Variants in CSMD1 observed in about 807,000 individuals in gnomAD.
CSMD1 encodes the protein CUB and sushi domain-containing protein 1.
CSMD1 carries 213 observed loss-of-function variants against 417.5 expected under a neutral mutation model. That is an observed-to-expected ratio of 0.51 (90% confidence interval 0.46 to 0.57). CSMD1 has a LOEUF of 0.57. Ranked by LOEUF, CSMD1 falls within the 20% of genes least tolerant of loss-of-function variation. The pLI is 0.00. For synonymous variants in CSMD1, 2,862 were observed against 1,736.8 expected, an observed-to-expected ratio of 1.65 and a Z score of -16.11; for missense variants, 6,923 against 4,529.7, an observed-to-expected ratio of 1.53 and a Z score of -15.17.
chr8:3,315,863 C>T (rs745376757), intron 23 of CSMD1, among the ~76,000 whole-genome samples: 1 of 152,144 alleles, frequency 6.6e-6, no homozygotes, highest in African/African-American at 2.4e-5. Flanking sequence ...ATGAGTCAAT[C>T]TTGAAACATT....
intron 1 of CSMD1, among the ~76,000 whole-genome samples, chr8:4,890,904 G>A (rs1436860157): frequency 6.6e-6 from 1 of 152,102 alleles, no homozygotes; most frequent in Non-Finnish European, 1.5e-5. Flanking sequence ...AGCTCACAAG[G>A]AGGGAGTGGT....
Position 2,942,548 on chromosome 8 carries a change from A to G in CSMD1, c.10459T>C (p.Ser3487Pro). The change falls in exon 69 of 70, where the codon TCT becomes CCT. Residue 3487 changes from serine (S) to proline (P), a missense_variant. By Grantham distance (74) the Ser-to-Pro change is moderately conservative. Transcript: ENST00000635120. ...GGAACCAGAATGGCAGCCGCCACAG[A>G]GCCACTGCTGGTGCCGTGGTAATGA... ...SSHYHGTSSGSVAAAILVPFF... is the reference protein window; with the variant it reads ...SSHYHGTSSGPVAAAILVPFF... 1 of 1,609,308 alleles carries G rather than the reference A, an allele frequency of 6.2e-7. No individual in the cohort carries two copies. Among genetic ancestry groups the G allele is most frequent in the South Asian group, 1.1e-5 (1 of 90,192 alleles).
rs1585029308 is a variant in CSMD1 at position 3,955,735 on chromosome 8, TAAG to T, written c.818+42165_818+42167del. ...AAGATTCTTCGAGAACTGCCTCAAG[TAAG>T]AAAAAAACAGGGTCAAATACATAGA... On this transcript the variant is annotated intron_variant, in intron 5 of 69. Transcript: ENST00000635120. Among the ~76,000 whole-genome samples the T allele has an allele frequency of 5.9e-5, 6 of 102,454 alleles. No homozygotes were observed. The East Asian group carries it at 2.2e-3, about 37-fold the overall frequency. The allele number at this position is 102,454 out of a possible 152,430, so 67.2% of individuals were successfully genotyped here.
chr8:3,460,494 A>C (rs1816428588), intron 12 of CSMD1, among the ~76,000 whole-genome samples: 1 of 152,004 alleles, frequency 6.6e-6, no homozygotes, highest in African/African-American at 2.4e-5. Flanking sequence ...TTCTGACTGG[A>C]CCCCTGTGTG....
chr8:4,136,879 A>G (rs1467167612), intron 3 of CSMD1, among the ~76,000 whole-genome samples: 1 of 152,246 alleles, frequency 6.6e-6, no homozygotes, highest in African/African-American at 2.4e-5. Context: ...AATTTCAGAG[A>G]ACAGAAACTT....
rs1049216830 is a variant in CSMD1 at position 3,024,196 on chromosome 8, T to C, written c.7855+5123A>G. On this transcript the variant is annotated intron_variant, in intron 51 of 69. Transcript: ENST00000635120. ...ATGAGAGATAAATGTAATTTAAGCA[T>C]AGAATGAAATAAAAATGTGTTACAG... Among the ~76,000 whole-genome samples the C allele has an allele frequency of 4.0e-5, 6 of 151,504 alleles. No homozygotes were observed. In the East Asian group the frequency reaches 5.8e-4, roughly 15 times the overall value.
chr8:4,984,594 G>A (rs1216814213), intron 1 of CSMD1, among the ~76,000 whole-genome samples: 11 of 152,314 alleles, frequency 7.2e-5, no homozygotes, highest in Non-Finnish European at 1.3e-4. Context: ...TGTTGTTCCT[G>A]TTCCCTTCCT....
chr8:4,262,126 T>G (rs1373496005), intron 3 of CSMD1, among the ~76,000 whole-genome samples: 1 of 152,182 alleles, frequency 6.6e-6, no homozygotes, highest in East Asian at 1.9e-4. Context: ...TATAGAGAAT[T>G]GTTAGAGTTC....
chr8:4,506,678 G>T (rs1157657677), intron 2 of CSMD1, among the ~76,000 whole-genome samples: 3 of 152,124 alleles, frequency 2.0e-5, no homozygotes, highest in African/African-American at 7.2e-5. Flanking sequence ...TTTTCACAGA[G>T]CTTAACCTCC....
chr8:4,215,348 C>A (rs1800601714), intron 3 of CSMD1, among the ~76,000 whole-genome samples: 1 of 152,288 alleles, frequency 6.6e-6, no homozygotes, highest in African/African-American at 2.4e-5. Flanking sequence ...CCACAGATGG[C>A]ACTTCCTTTC....
chr8:4,249,590 T>G (rs1394703132), intron 3 of CSMD1, among the ~76,000 whole-genome samples: 1 of 152,150 alleles, frequency 6.6e-6, no homozygotes, highest in Non-Finnish European at 1.5e-5. Flanking sequence ...AAGCTGTGTA[T>G]TGAGAGAATG....
chr8:3,526,428 T>C (rs1031594156), intron 10 of CSMD1, among the ~76,000 whole-genome samples: 1 of 152,146 alleles, frequency 6.6e-6, no homozygotes, highest in Admixed American at 6.5e-5. Flanking sequence ...CTAAAGTTAG[T>C]ATGCAGTTTA....
chr8:4,083,297 G>A (rs35505983), intron 3 of CSMD1, among the ~76,000 whole-genome samples: 14 of 151,552 alleles, frequency 9.2e-5, no homozygotes, highest in African/African-American at 3.4e-4. Context: ...ACTTTTTAAT[G>A]ATCGCCATTC....
chr8:4,080,852 G>C (rs775049199), intron 3 of CSMD1, among the ~76,000 whole-genome samples: 5 of 152,162 alleles, frequency 3.3e-5, no homozygotes, highest in African/African-American at 2.4e-5. Context: ...TGGATTTCAT[G>C]TTTGTTTACT....
At chr8:4,264,534 C>T (rs1804108608) in intron 3 of CSMD1, among the ~76,000 whole-genome samples, 3 of 152,156 alleles carry the variant, frequency 2.0e-5, no homozygotes, top group South Asian at 2.1e-4. Flanking sequence ...AGCTCCGTTA[C>T]TTAAAGCCCT....
intron 5 of CSMD1, among the ~76,000 whole-genome samples, chr8:3,962,041 G>C (rs948168249): frequency 2.6e-5 from 4 of 152,156 alleles, no homozygotes; most frequent in African/African-American, 7.2e-5. Flanking sequence ...AGAGTTCCTG[G>C]ACATGTGAGA....
chr8:4,616,297 A>T (rs549814371), intron 2 of CSMD1, among the ~76,000 whole-genome samples: 3 of 152,314 alleles, frequency 2.0e-5, no homozygotes, highest in Non-Finnish European at 4.4e-5. Flanking sequence ...TTCCAAATGA[A>T]TGTTTTCTTC....
chr8:4,981,887 C>T (rs1477279515), intron 1 of CSMD1, among the ~76,000 whole-genome samples: 3 of 151,934 alleles, frequency 2.0e-5, no homozygotes, highest in African/African-American at 7.3e-5. Context: ...TCCCTCTCAC[C>T]CTCTCTCTCT....
intron 1 of CSMD1, among the ~76,000 whole-genome samples, chr8:4,864,835 A>G (rs1802329878): frequency 6.6e-6 from 1 of 150,760 alleles, no homozygotes; most frequent in Non-Finnish European, 1.5e-5. Context: ...TATAACATTT[A>G]AAGTAATTGG....
Sources: gnomAD v4.1 joint callset for allele counts (sites outside exome capture counted in the v4.1 genomes callset) on GRCh38, gnomAD v4.1.1 for gene constraint, MANE v1.5 for transcripts, NCBI Gene and HGNC (gene_info 2026-07-23, HGNC 2026-07-21) for gene names.